NPAS3: variants seen among roughly 807,000 people sequenced by gnomAD.
The protein encoded by NPAS3 is neuronal PAS domain-containing protein 3.
A neutral mutation model predicts 73.1 loss-of-function variants in NPAS3; 14 were observed. The ratio of observed to expected loss-of-function variants is 0.19; its 90% confidence interval spans 0.13 to 0.30. NPAS3 has a LOEUF of 0.30. NPAS3 is among the 10% of genes least tolerant of loss of function. The pLI, the probability that NPAS3 is intolerant of heterozygous loss-of-function variation, is 1.00. For synonymous variants in NPAS3, 620 were observed against 541.5 expected (o/e 1.14, Z -2.01); for missense variants, 1,096 against 1,250.0 (o/e 0.88, Z 1.86).
intron 4 of NPAS3, among the ~76,000 whole-genome samples, chr14:33,482,053 GT>G (rs35267663): frequency 0.012 from 1,621 of 137,556 alleles, 8 homozygotes; most frequent in Middle Eastern, 0.022. Context: ...TCAGAAGCAA[GT>G]TTTTTTTTTT....
chr14:33,507,337 A>G (rs1448290267), intron 4 of NPAS3, among the ~76,000 whole-genome samples: 2 of 152,092 alleles, frequency 1.3e-5, no homozygotes, highest in Non-Finnish European at 2.9e-5. Flanking sequence ...AAATAGAAAT[A>G]GAAATAAATA....
chr14:33,268,204 A>G (rs1367404519), intron 3 of NPAS3, among the ~76,000 whole-genome samples: 1 of 152,026 alleles, frequency 6.6e-6, no homozygotes, highest in Non-Finnish European at 1.5e-5. Flanking sequence ...CCAGGACAGC[A>G]TTTCTGCTGC....
At chr14:33,300,847 C>T (rs148630713) in intron 3 of NPAS3, among the ~76,000 whole-genome samples, 1 of 152,200 alleles carries the variant, frequency 6.6e-6, no homozygotes, top group East Asian at 1.9e-4. Context: ...CTCCAAACAC[C>T]CCTCTAAGCT....
At chr14:33,358,602 C>A (rs927521618) in intron 3 of NPAS3, among the ~76,000 whole-genome samples, 5 of 152,182 alleles carry the variant, frequency 3.3e-5, no homozygotes, top group Admixed American at 6.5e-5. Context: ...CCACCTCTCC[C>A]CACCTCCATC....
intron 1 of NPAS3, among the ~76,000 whole-genome samples, chr14:33,026,969 G>A (rs1399916943): frequency 6.6e-6 from 1 of 152,106 alleles, no homozygotes; most frequent in East Asian, 1.9e-4. Flanking sequence ...CTAAATTCCA[G>A]GGACTCTCTA....
intron 1 of NPAS3, among the ~76,000 whole-genome samples, chr14:33,049,710 G>A (rs1413102407): frequency 6.6e-6 from 1 of 152,194 alleles, no homozygotes; most frequent in Non-Finnish European, 1.5e-5. Flanking sequence ...ATGTCATATA[G>A]CTAGTAGCGG....
At chr14:33,691,125 T>C (rs1180726370) in intron 6 of NPAS3, among the ~76,000 whole-genome samples, 3 of 152,230 alleles carry the variant, frequency 2.0e-5, no homozygotes, top group African/African-American at 7.2e-5. Flanking sequence ...AATCAGACAG[T>C]TGTCAATCTG....
chr14:33,537,300 A>T (rs868824080), intron 4 of NPAS3, among the ~76,000 whole-genome samples: 9 of 152,332 alleles, frequency 5.9e-5, no homozygotes, highest in South Asian at 2.1e-4. Flanking sequence ...AATTTAGGGC[A>T]CATTAGAATG....
At chr14:32,965,174 C>CA (rs778617651) in intron 1 of NPAS3, among the ~76,000 whole-genome samples, 2 of 151,966 alleles carry the variant, frequency 1.3e-5, no homozygotes, top group Admixed American at 6.6e-5. Context: ...TCAAACTATT[C>CA]AAAAAAATTG....
intron 2 of NPAS3, among the ~76,000 whole-genome samples, chr14:33,143,286 G>A (rs1161928579): frequency 3.9e-5 from 6 of 152,170 alleles, no homozygotes; most frequent in South Asian, 4.1e-4. Context: ...GAGGTCAGGC[G>A]TTCGAGACCA....
At position 33,714,360 on chromosome 14, in the gene NPAS3, A is replaced by G. The variant is rs970501357; in HGVS notation, c.734-20854A>G. ...CTCCTACTGTAACTTCAAAACCTAG[A>G]ACGGTGACTGGAACCAGTAGAACTT... On this transcript the variant is annotated intron_variant, in intron 6 of 11. Coordinates refer to ENST00000356141, the Ensembl canonical transcript of NPAS3. Among the ~76,000 whole-genome samples the G allele has an allele frequency of 9.2e-5, 14 of 152,152 alleles. No homozygotes were observed. In the East Asian group the frequency reaches 2.7e-3, roughly 30 times the overall value.
chr14:33,800,692 G>A lies in NPAS3; in HGVS notation c.2385G>A (p.Arg795=). The change falls in exon 12 of 12, where the codon AGG becomes AGA. Residue 795 remains arginine, a synonymous_variant. Coordinates refer to ENST00000356141, the Ensembl canonical transcript of NPAS3. The surrounding 1 kb of genome is among the most constrained non-coding windows in gnomAD (Gnocchi z 6.5). ...CTGGGGACCTGGAGGCGCTGCAGAG[G>A]TTGCAGGCGGGCAACGTCGTGCTCC... The A allele has an allele frequency of 4.5e-6, 7 of 1,546,704 alleles. No individual in the cohort carries two copies. The highest frequency in any genetic ancestry group is 6.1e-6 in the Non-Finnish European group (7 of 1,148,312).
rs1566505071 is a variant in NPAS3, at chr14:33,756,364, C to A, written c.853-17973C>A. Among the ~76,000 whole-genome samples the A allele has an allele frequency of 2.6e-5, 4 of 152,030 alleles. 1 individual carries two copies. The highest frequency in any genetic ancestry group is 5.9e-5 in the Non-Finnish European group (4 of 68,026). On this transcript the variant is annotated intron_variant, in intron 7 of 11. Transcript: ENST00000356141. ...AGTTGTATTCACGAAGTAACTAACCCCCAAGAAGAATCTTACTAATATGTT... is the reference window on the plus strand; with the variant it reads ...AGTTGTATTCACGAAGTAACTAACCACCAAGAAGAATCTTACTAATATGTT...
At chr14:33,003,176 C>T (rs1177998967) in intron 1 of NPAS3, among the ~76,000 whole-genome samples, 3 of 150,452 alleles carry the variant, frequency 2.0e-5, no homozygotes, top group Non-Finnish European at 4.4e-5. Context: ...TTAACTGCAT[C>T]CAAAAAATAA....
chr14:33,279,335 C>A (rs1340661876), intron 3 of NPAS3, among the ~76,000 whole-genome samples: 6 of 152,066 alleles, frequency 3.9e-5, no homozygotes, highest in African/African-American at 1.4e-4. Flanking sequence ...AGGCACAATG[C>A]TAATCATTTT....
intron 4 of NPAS3, among the ~76,000 whole-genome samples, chr14:33,424,430 A>G (rs1309723883): frequency 6.6e-6 from 1 of 151,936 alleles, no homozygotes; most frequent in Non-Finnish European, 1.5e-5. Flanking sequence ...ATCAAACGCA[A>G]CTACTTTAAC....
At chr14:33,211,350 G>A (rs1463368044) in intron 2 of NPAS3, among the ~76,000 whole-genome samples, 1 of 152,194 alleles carries the variant, frequency 6.6e-6, no homozygotes, top group East Asian at 1.9e-4. Flanking sequence ...GGAGGCCAAG[G>A]TGGGCGGATC....
chr14:33,250,705 CTT>C (rs1015890580), intron 3 of NPAS3, among the ~76,000 whole-genome samples: 1 of 152,020 alleles, frequency 6.6e-6, no homozygotes, highest in Non-Finnish European at 1.5e-5. Flanking sequence ...GAATGATCCT[CTT>C]TTTTTCCTTC....
chr14:33,769,589 C>A (rs1412451237), intron 7 of NPAS3, among the ~76,000 whole-genome samples: 4 of 152,070 alleles, frequency 2.6e-5, no homozygotes, highest in Non-Finnish European at 4.4e-5. Context: ...TTCTTCCTAC[C>A]CTGAACTCCT....
Sources: gnomAD v4.1 joint callset for allele counts (sites outside exome capture counted in the v4.1 genomes callset) on GRCh38, gnomAD v4.1.1 for gene constraint, Gnocchi (gnomAD v3.1) non-coding constraint, MANE v1.5 for transcripts, NCBI Gene and HGNC (gene_info 2026-07-23, HGNC 2026-07-21) for gene names.